Variants in ABCD3 observed in about 807,000 individuals in gnomAD.
The protein encoded by ABCD3 is ATP binding cassette subfamily D member 3.
In ABCD3, 41 loss-of-function variants were observed where a neutral mutation model predicts 105.5. The ratio of observed to expected loss-of-function variants is 0.39; its 90% CI spans 0.30 to 0.50. ABCD3 has a LOEUF of 0.50. ABCD3 is among the 20% of genes least tolerant of loss of function. The pLI is 0.84. For synonymous variants in ABCD3, 258 were observed against 269.0 expected, an observed-to-expected ratio of 0.96 and a Z score of 0.40; for missense variants, 622 against 806.3, an observed-to-expected ratio of 0.77 and a Z score of 2.77.
chr1:94,440,150 G>A (rs1190778597), intron 1 of ABCD3, among the ~76,000 whole-genome samples: 1 of 152,064 alleles, frequency 6.6e-6, no homozygotes, highest in Non-Finnish European at 1.5e-5. Context: ...TTTTATTCTT[G>A]TATTTTTTCT....
At chr1:94,455,998 AGTCACCATCCT>A (rs1409645036) in intron 1 of ABCD3, among the ~76,000 whole-genome samples, 1 of 152,076 alleles carries the variant, frequency 6.6e-6, no homozygotes, top group African/African-American at 2.4e-5. Context: ...ATCAAGCTAT[AGTCACCATCCT>A]GTACATTAGA....
chr1:94,400,369 A>T, the ABCD3 span, among the ~76,000 whole-genome samples: 3 of 151,714 alleles, frequency 2.0e-5, no homozygotes, highest in South Asian at 6.3e-4. Context: ...GCGCCACTGC[A>T]CTCCAACCTG....
the ABCD3 span, among the ~76,000 whole-genome samples, chr1:94,391,368 C>T: frequency 1.3e-4 from 20 of 152,292 alleles, no homozygotes; most frequent in South Asian, 3.1e-3. Flanking sequence ...CTGTCGCCCT[C>T]GTCAGAATGC....
At chr1:94,397,257 CT>C in the ABCD3 span, among the ~76,000 whole-genome samples, 2 of 152,194 alleles carry the variant, frequency 1.3e-5, no homozygotes, top group African/African-American at 2.4e-5. Context: ...GAAATCAACA[CT>C]GGTACAGCAC....
At chr1:94,480,695 CTG>C (rs1648988046) in intron 9 of ABCD3, 89 bp downstream of exon 9, 1 of 1,340,124 alleles carries the variant, frequency 7.5e-7, no homozygotes, top group South Asian at 1.2e-5. Context: ...TCTAGTGACA[CTG>C]TTACTGTAAT....
chr1:94,504,860 G>A (rs78102502), intron 20 of ABCD3, among the ~76,000 whole-genome samples: 1 of 152,104 alleles, frequency 6.6e-6, no homozygotes, highest in East Asian at 1.9e-4. Flanking sequence ...TGGGCTAAGG[G>A]CATGTTTGTG....
chr1:94,463,693 T>C (rs1314098891), intron 2 of ABCD3, among the ~76,000 whole-genome samples: 1 of 152,116 alleles, frequency 6.6e-6, no homozygotes, highest in Non-Finnish European at 1.5e-5. Flanking sequence ...CGTGTTTCCT[T>C]ATCTTTGCAA....
intron 1 of ABCD3, among the ~76,000 whole-genome samples, chr1:94,455,365 G>A (rs1647499790): frequency 7.4e-6 from 1 of 135,190 alleles, no homozygotes; most frequent in African/African-American, 2.8e-5. Context: ...TGCTCTTATT[G>A]CCCAGGCTGG....
chr1:94,484,124 G>A (rs913464739), intron 10 of ABCD3, among the ~76,000 whole-genome samples: 1 of 152,142 alleles, frequency 6.6e-6, no homozygotes, highest in South Asian at 2.1e-4. Context: ...GGCGATCATT[G>A]AAAAGTCAGG....
intron 1 of ABCD3, among the ~76,000 whole-genome samples, chr1:94,455,398 T>C (rs1394797802): frequency 2.6e-5 from 4 of 151,670 alleles, no homozygotes; most frequent in African/African-American, 4.9e-5. Flanking sequence ...CGATCTTGGC[T>C]CACCACAACC....
chr1:94,513,121 A>G (rs140058377), intron 21 of ABCD3, among the ~76,000 whole-genome samples: 103 of 152,230 alleles, frequency 6.8e-4, no homozygotes, highest in African/African-American at 2.3e-3. Flanking sequence ...TTGTAGAAAG[A>G]TTTTAACTAC....
At chr1:94,390,787 A>G in the ABCD3 span, among the ~76,000 whole-genome samples, 1 of 152,314 alleles carries the variant, frequency 6.6e-6, no homozygotes, top group African/African-American at 2.4e-5. Context: ...AACTATCCAT[A>G]TCCCGACAGC....
chr1:94,411,784 T>G, the ABCD3 span, among the ~76,000 whole-genome samples: 2 of 152,198 alleles, frequency 1.3e-5, no homozygotes, highest in Non-Finnish European at 2.9e-5. Context: ...ATGTGATGTT[T>G]CCATAGAATG....
chr1:94,466,663 C>T (rs1648153220), intron 3 of ABCD3, among the ~76,000 whole-genome samples: 1 of 152,192 alleles, frequency 6.6e-6, no homozygotes, highest in South Asian at 2.1e-4. Flanking sequence ...TCCAGTGACT[C>T]TTCAGGCATA....
chr1:94,512,264 T>C (rs1231872028), intron 21 of ABCD3, among the ~76,000 whole-genome samples: 1 of 152,030 alleles, frequency 6.6e-6, no homozygotes, highest in Non-Finnish European at 1.5e-5. Flanking sequence ...TTTCCTTTTT[T>C]TCCTTCCTAA....
At chr1:94,483,768 G>A (rs972924404) in intron 10 of ABCD3, among the ~76,000 whole-genome samples, 6 of 152,044 alleles carry the variant, frequency 3.9e-5, no homozygotes, top group African/African-American at 1.2e-4. Context: ...AAAAGCAATG[G>A]CAACAAAAGC....
At chr1:94,479,103 CA>C in intron 8 of ABCD3, among the ~76,000 whole-genome samples, 1 of 152,044 alleles carries the variant, frequency 6.6e-6, no homozygotes. Flanking sequence ...TGTTGCTTTC[CA>C]AAACACTGGA....
At chr1:94,496,378 A>G (rs1252049600) in intron 16 of ABCD3, among the ~76,000 whole-genome samples, 1 of 152,058 alleles carries the variant, frequency 6.6e-6, no homozygotes, top group African/African-American at 2.4e-5. Flanking sequence ...ATTTAGCATA[A>G]TGTTTTCAAG....
At chr1:94,387,754 T>G in the ABCD3 span, among the ~76,000 whole-genome samples, 1 of 152,232 alleles carries the variant, frequency 6.6e-6, no homozygotes, top group African/African-American at 2.4e-5. Context: ...CAGCTCTGAG[T>G]GCGACAAGGG....
Sources: allele counts gnomAD v4.1 joint callset (sites outside exome capture counted in the v4.1 genomes callset), GRCh38; gene constraint gnomAD v4.1.1; transcripts MANE v1.5; gene names NCBI Gene and HGNC (gene_info 2026-07-23, HGNC 2026-07-21).